CACNA1E: variants seen among roughly 807,000 people sequenced by gnomAD.
The protein encoded by CACNA1E is voltage-dependent R-type calcium channel subunit alpha-1E.
In CACNA1E, 40 loss-of-function variants were observed where a neutral mutation model predicts 259.2. That is an observed-to-expected ratio of 0.15 (90% confidence interval 0.12 to 0.20). The LOEUF (loss-of-function observed/expected upper bound fraction) is 0.20. Ranked by LOEUF, CACNA1E falls within the 10% of genes least tolerant of loss-of-function variation. The pLI, the probability that CACNA1E is intolerant of heterozygous loss-of-function variation, is 1.00. For synonymous variants in CACNA1E, 1,104 were observed against 1,138.5 expected (o/e 0.97, Z 0.61); for missense variants, 1,874 against 3,040.1 (o/e 0.62, Z 9.02).
At chr1:181,490,203 A>C (rs972418151) in intron 1 of CACNA1E, among the ~76,000 whole-genome samples, 2 of 152,168 alleles carry the variant, frequency 1.3e-5, no homozygotes, top group Non-Finnish European at 2.9e-5. Flanking sequence ...TATAAGGTGA[A>C]GATGGGCCAG....
intron 2 of CACNA1E, among the ~76,000 whole-genome samples, chr1:181,417,909 A>G (rs1352782281): frequency 6.6e-6 from 1 of 152,110 alleles, no homozygotes; most frequent in Non-Finnish European, 1.5e-5. Context: ...CTCAAGTTCC[A>G]TGTGGAGTCT....
At chr1:181,665,176 C>G (rs1199840907) in intron 7 of CACNA1E, among the ~76,000 whole-genome samples, 1 of 151,452 alleles carries the variant, frequency 6.6e-6, no homozygotes, top group African/African-American at 2.4e-5. Flanking sequence ...CACACACACA[C>G]ACACATATAC....
intron 43 of CACNA1E, among the ~76,000 whole-genome samples, chr1:181,788,179 A>G (rs603885): frequency 0.28 from 43,160 of 151,966 alleles, 6,844 homozygotes; most frequent in African/African-American, 0.44. Flanking sequence ...ATAAGACTGG[A>G]TAGGATTTGG....
At chr1:181,756,118 G>T (rs367855493) in intron 29 of CACNA1E, 25 bp downstream of exon 29, 1 of 1,593,098 alleles carries the variant, frequency 6.3e-7, no homozygotes, top group Non-Finnish European at 8.6e-7. Context: ...TGTCATGCTT[G>T]TCTGTGGCTG....
intron 1 of CACNA1E, among the ~76,000 whole-genome samples, chr1:181,386,145 A>G (rs1655829371): frequency 6.6e-6 from 1 of 152,240 alleles, no homozygotes; most frequent in South Asian, 2.1e-4. Flanking sequence ...CTTGGTATAA[A>G]TCAGTGAACA....
chr1:181,635,120 G>A (rs73059738), intron 6 of CACNA1E, among the ~76,000 whole-genome samples: 2,240 of 152,310 alleles, frequency 0.015, 42 homozygotes, highest in African/African-American at 0.047. Flanking sequence ...ATGCTATGAA[G>A]CAGCCTTTCC....
Position 181,756,034 on chromosome 1 carries a change from C to T in CACNA1E, c.4068C>T (p.Asp1356=), listed in dbSNP as rs1363165742. ...REWKRHEFHY[D]NIIWALLTLF... is the part of the protein sequence containing the mutation. ...GGAAGCGCCATGAATTCCACTACGA[C>T]AACATTATCTGGGCCCTGCTGACCC... The change falls in exon 29 of 48, where the codon GAC becomes GAT. Residue 1356 remains aspartate, a synonymous_variant. Coordinates refer to ENST00000367573, the MANE Select transcript of CACNA1E (RefSeq NM_001205293.3). 1 of 1,613,864 alleles carries T rather than the reference C, an allele frequency of 6.2e-7. No individual in the cohort carries two copies. The highest frequency in any genetic ancestry group is 1.1e-5 in the South Asian group (1 of 91,068).
intron 6 of CACNA1E, among the ~76,000 whole-genome samples, chr1:181,618,833 A>G (rs1026308498): frequency 2.6e-5 from 4 of 152,218 alleles, no homozygotes; most frequent in East Asian, 3.9e-4. Flanking sequence ...CACCAAATAT[A>G]TACCTACAGC....
intron 2 of CACNA1E, among the ~76,000 whole-genome samples, chr1:181,478,033 G>C (rs551321141): frequency 6.6e-6 from 1 of 152,256 alleles, no homozygotes; most frequent in Admixed American, 6.5e-5. Flanking sequence ...TGTTAATAAT[G>C]GTCACATATT....
chr1:181,745,657 T>C (rs1657012555), intron 25 of CACNA1E, among the ~76,000 whole-genome samples: 1 of 152,172 alleles, frequency 6.6e-6, no homozygotes, highest in African/African-American at 2.4e-5. Flanking sequence ...CCAGCCACCT[T>C]CCTAATCCAC....
intron 7 of CACNA1E, among the ~76,000 whole-genome samples, chr1:181,659,886 T>C (rs1430812315): frequency 6.6e-6 from 1 of 152,206 alleles, no homozygotes; most frequent in Non-Finnish European, 1.5e-5. Context: ...CTTATTTTAG[T>C]GTACACTACG....
chr1:181,747,450 ATTTT>A (rs60393528), intron 25 of CACNA1E, among the ~76,000 whole-genome samples: 58 of 122,852 alleles, frequency 4.7e-4, no homozygotes, highest in Non-Finnish European at 4.0e-4. Flanking sequence ...AAAATCTGTC[ATTTT>A]TTTTTTTTTT....
intron 2 of CACNA1E, among the ~76,000 whole-genome samples, chr1:181,433,684 T>C (rs896956833): frequency 2.0e-5 from 3 of 152,344 alleles, no homozygotes; most frequent in African/African-American, 7.2e-5. Flanking sequence ...AAATGTGTTT[T>C]AAATTTCTTT....
At chr1:181,567,502 A>G (rs984214255) in intron 3 of CACNA1E, among the ~76,000 whole-genome samples, 61 of 152,176 alleles carry the variant, frequency 4.0e-4, no homozygotes, top group Non-Finnish European at 7.3e-4. Context: ...CAACCAACCA[A>G]TCAGAAACAG....
At chr1:181,353,610 A>T (rs1264610651) in intron 1 of CACNA1E, among the ~76,000 whole-genome samples, 1 of 152,198 alleles carries the variant, frequency 6.6e-6, no homozygotes, top group African/African-American at 2.4e-5. Context: ...GTGGGAAGAG[A>T]TGTCAGTGAA....
chr1:181,372,400 G>A (rs1654766981), intron 1 of CACNA1E, among the ~76,000 whole-genome samples: 1 of 152,008 alleles, frequency 6.6e-6, no homozygotes, highest in African/African-American at 2.4e-5. Context: ...TCTCAGCTTG[G>A]ATGTTATTGG....
At chr1:181,651,249 T>C in intron 6 of CACNA1E, 89 bp from the exon 7 acceptor site, 1 of 856,590 alleles carries the variant, frequency 1.2e-6, no homozygotes, top group Non-Finnish European at 1.9e-6. Context: ...TTGTGGTTTT[T>C]ACATCACCCT....
At chr1:181,500,420 T>C (rs1026694140) in intron 1 of CACNA1E, among the ~76,000 whole-genome samples, 3 of 152,230 alleles carry the variant, frequency 2.0e-5, no homozygotes, top group Non-Finnish European at 2.9e-5. Flanking sequence ...AAATTGGCCA[T>C]GGAGAGAGTA....
At chr1:181,358,955 A>G (rs1653654163) in intron 1 of CACNA1E, among the ~76,000 whole-genome samples, 1 of 152,212 alleles carries the variant, frequency 6.6e-6, no homozygotes, top group Non-Finnish European at 1.5e-5. Flanking sequence ...GGATGACACC[A>G]GAAGGTTTAT....
Sources: gnomAD v4.1 joint callset for allele counts (sites outside exome capture counted in the v4.1 genomes callset) on GRCh38, gnomAD v4.1.1 for gene constraint, MANE v1.5 for transcripts, NCBI Gene and HGNC (gene_info 2026-07-23, HGNC 2026-07-21) for gene names.